The following MATR3 variants were observed in gnomAD, a reference collection of about 807,000 sequenced individuals.
MATR3 encodes the protein matrin 3.
A neutral mutation model predicts 85.5 loss-of-function variants in MATR3; 4 were observed. The observed-to-expected ratio is 0.05, with a 90% CI of 0.02 to 0.11. MATR3 has a LOEUF of 0.11. Among genes scored for constraint, MATR3 ranks in the 10% least tolerant of loss-of-function variants. MATR3 has a pLI of 1.00. For synonymous variants in MATR3, 336 were observed against 343.1 expected (o/e 0.98, Z 0.23); for missense variants, 685 against 1,016.1 (o/e 0.67, Z 4.43).
In MATR3 at chr5:139,329,538, A is replaced by G. The variant is rs986086235; in HGVS notation, c.*143A>G. The G allele has an allele frequency of 5.5e-6, 4 of 724,766 alleles. No individual in the cohort carries two copies. The African/African-American group carries it at 7.0e-5, about 13-fold the overall frequency. The allele number at this position is 724,766 out of a possible 1,614,324, so 44.9% of individuals were successfully genotyped here. On this transcript the variant is annotated 3_prime_UTR_variant, in exon 15 of 15. Transcript: ENST00000394805. ...GTGGAGAAATAATAGATGTCTGTTC[A>G]TGTGTTAAGTGTTATAGCAAAAAAA...
intron 12 of MATR3, 48 bp from the exon 13 acceptor site, chr5:139,325,392 G>T (rs1388652753): frequency 6.3e-7 from 1 of 1,588,038 alleles, no homozygotes; most frequent in Non-Finnish European, 8.6e-7. Flanking sequence ...ATCGGGCATG[G>T]CATTTAAATC....
intron 1 of MATR3, among the ~76,000 whole-genome samples, chr5:139,300,379 C>T (rs1196077861): frequency 6.6e-6 from 1 of 152,082 alleles, no homozygotes; most frequent in Non-Finnish European, 1.5e-5. Flanking sequence ...ACAAAAGTTA[C>T]TACCAGTCTT....
At chr5:139,303,530 C>T (rs754042722) in intron 1 of MATR3, among the ~76,000 whole-genome samples, 4 of 152,070 alleles carry the variant, frequency 2.6e-5, no homozygotes, top group African/African-American at 7.2e-5. Context: ...CCCAGGAGTT[C>T]GAGACCAGCC....
chr5:139,328,418 A>G (rs569770167), intron 14 of MATR3, among the ~76,000 whole-genome samples: 33 of 152,182 alleles, frequency 2.2e-4, no homozygotes, highest in Admixed American at 1.6e-3. Context: ...ATTTTTTAAT[A>G]TGTCTTTTGT....
intron 3 of MATR3, chr5:139,279,160 A>G (rs1051248367): frequency 4.4e-6 from 2 of 454,092 alleles, no homozygotes; most frequent in Non-Finnish European, 8.8e-6. Context: ...GTAGGTCCCA[A>G]TTAAATTACT....
intron 1 of MATR3, among the ~76,000 whole-genome samples, chr5:139,296,228 A>T (rs1033350827): frequency 2.0e-5 from 3 of 152,226 alleles, no homozygotes; most frequent in African/African-American, 7.2e-5. Flanking sequence ...GGAATCTGCT[A>T]ATTCTGTTGT....
intron 1 of MATR3, among the ~76,000 whole-genome samples, chr5:139,303,539 C>G (rs1298955124): frequency 6.6e-6 from 1 of 152,096 alleles, no homozygotes; most frequent in African/African-American, 2.4e-5. Flanking sequence ...TCGAGACCAG[C>G]CTGGCCAACA....
upstream of MATR3, chr5:139,292,185 C>G (rs1281769023): frequency 1.3e-5 from 2 of 152,040 alleles, no homozygotes; most frequent in Admixed American, 6.6e-5. Flanking sequence ...TGGTCTGGAA[C>G]TCTTGAACTC....
chr5:139,307,608 A>G lies in MATR3; in HGVS notation c.193A>G (p.Asn65Asp). Residue 65 changes from asparagine (N) to aspartate (D), a missense_variant, in exon 2 of 15, where the codon AAT (asparagine) becomes GAT (aspartate). Coordinates refer to ENST00000394805, the MANE Select transcript of MATR3 (RefSeq NM_018834.6). This position sits in a 1 kb window ranked among gnomAD's most constrained non-coding sequence, Gnocchi z 4.4. The stretch of plus-strand genomic sequence containing the variant: ...GAATCTTGGAATGAGTTCTTCATTG[A>G]ATCAACAAGGAGCTCATAGTGCACT... ...LMNLGMSSSL[N>D]QQGAHSALSS... is the part of the protein sequence containing the mutation. The G allele has an allele frequency of 1.9e-6, 3 of 1,614,184 alleles. No individual in the cohort carries two copies. Among genetic ancestry groups the G allele is most frequent in the Non-Finnish European group, 2.5e-6 (3 of 1,180,032 alleles).
chr5:139,314,795 G>C (rs1347796101), intron 3 of MATR3, 59 bp downstream of exon 3: 2 of 1,510,324 alleles, frequency 1.3e-6, no homozygotes, highest in Non-Finnish European at 1.8e-6. Flanking sequence ...AGCCATTATT[G>C]GTTTTTGGGA....
chr5:139,325,297 G>A (rs1450169089), intron 12 of MATR3, 143 bp from the exon 13 acceptor site: 20 of 1,555,168 alleles, frequency 1.3e-5, no homozygotes, highest in South Asian at 2.4e-5. Context: ...TCTTAACAGC[G>A]TCGTTTTCCA....
chr5:139,301,794 C>T (rs1754460245), intron 1 of MATR3, among the ~76,000 whole-genome samples: 1 of 152,164 alleles, frequency 6.6e-6, no homozygotes, highest in South Asian at 2.1e-4. Context: ...TAATCTGAAA[C>T]TATTTCTTGC....
At chr5:139,296,125 A>G (rs748798167) in intron 1 of MATR3, among the ~76,000 whole-genome samples, 7 of 152,198 alleles carry the variant, frequency 4.6e-5, no homozygotes, top group Non-Finnish European at 8.8e-5. Flanking sequence ...GCGTACAGGA[A>G]TTTATCCTAA....
Position 139,330,282 on chromosome 5 carries a change from C to A in MATR3, c.*887C>A, listed in dbSNP as rs1421215358. 6.6e-6 allele frequency: 3 copies of A among 453,368 alleles called. No homozygotes were observed. The highest frequency in any genetic ancestry group is 1.3e-5 in the Non-Finnish European group (3 of 226,264). 28.1% of individuals were successfully genotyped at this position (453,368 alleles called of 1,614,324 possible). A position where few individuals can be genotyped will look rare whatever the true frequency, so the allele number is the denominator to read the frequency against. On this transcript the variant is annotated 3_prime_UTR_variant, in exon 15 of 15. Coordinates refer to ENST00000394805, the MANE Select transcript of MATR3 (RefSeq NM_018834.6). ...CTAATTCATGTACCTGCACATGTGA[C>A]CTTTGTGAACAGAAATTTGCATGTA...
chr5:139,294,060 G>T (rs1398244290), intron 1 of MATR3: 1 of 1,255,828 alleles, frequency 8.0e-7, no homozygotes, highest in South Asian at 2.7e-5. Context: ...CACGCGGCCG[G>T]CCAAGGGCCC....
At chr5:139,308,361 T>C (rs1754811966) in intron 2 of MATR3, 34 bp downstream of exon 2, 2 of 1,612,814 alleles carry the variant, frequency 1.2e-6, no homozygotes, top group Non-Finnish European at 1.7e-6. Context: ...CTAATTTCTT[T>C]TACATTGTAG....
At chr5:139,317,251 A>T in intron 6 of MATR3, 146 bp downstream of exon 6, 1 of 883,662 alleles carries the variant, frequency 1.1e-6, no homozygotes, top group Non-Finnish European at 1.8e-6. Context: ...TATGGCTTTG[A>T]TAACAGTTAA....
chr5:139,288,154 C>T (rs1308038631), intron 3 of MATR3, among the ~76,000 whole-genome samples: 1 of 152,168 alleles, frequency 6.6e-6, no homozygotes, highest in Admixed American at 6.6e-5. Flanking sequence ...ATCAAGGCTA[C>T]AGTGAGCCAA....
intron 1 of MATR3, among the ~76,000 whole-genome samples, chr5:139,295,303 A>G (rs1469625825): frequency 1.3e-5 from 2 of 152,344 alleles, no homozygotes; most frequent in South Asian, 2.1e-4. Flanking sequence ...TTCCACTTAA[A>G]TAGAATGTTT....
Sources: gnomAD v4.1 joint callset for allele counts (sites outside exome capture counted in the v4.1 genomes callset) on GRCh38, gnomAD v4.1.1 for gene constraint, Gnocchi (gnomAD v3.1) non-coding constraint, MANE v1.5 for transcripts, NCBI Gene and HGNC (gene_info 2026-07-23, HGNC 2026-07-21) for gene names.